Variants in SYNE1 observed in about 807,000 individuals in gnomAD.
The protein encoded by SYNE1 is spectrin repeat containing nuclear envelope protein 1, also known as nesprin-1.
Under a neutral mutation model 1,111.0 loss-of-function variants are expected in SYNE1, and 616 were observed. The ratio of observed to expected loss-of-function variants is 0.55; its 90% CI spans 0.52 to 0.59. The LOEUF is 0.59. Among genes scored for constraint, SYNE1 ranks in the 20% least tolerant of loss-of-function variants. The pLI is 0.00. For synonymous variants in SYNE1, 3,855 were observed against 3,825.8 expected (o/e 1.01, Z -0.28); for missense variants, 10,006 against 10,417.0 (o/e 0.96, Z 1.72).
chr6:152,181,450 T>C (rs1276971911), intron 128 of SYNE1, among the ~76,000 whole-genome samples: 6 of 152,106 alleles, frequency 3.9e-5, no homozygotes, highest in Admixed American at 1.3e-4. Context: ...GAAAACCTTG[T>C]AGCCATCAGC....
chr6:152,505,321 T>G lies in SYNE1; in HGVS notation c.658A>C (p.Ile220Leu), dbSNP rs146053885. ...GVAFHSVIHA[I>L]RPELVDLETV... ...TCCAAGTCCACCAATTCCGGTCGAA[T>G]GGCATGAATAACTGAATGAAAGGCA... The change falls in exon 9 of 146, where the codon ATT becomes CTT. Residue 220 changes from isoleucine (I) to leucine (L), a missense_variant. This residue lies in a region of SYNE1 where 1,971 missense variants were observed against 2,084.1 expected (regional missense o/e 0.95). Coordinates refer to ENST00000367255, the MANE Select transcript of SYNE1 (RefSeq NM_182961.4). 5.6e-6 allele frequency: 9 copies of G among 1,614,158 alleles called. No homozygotes were observed. In the South Asian group the frequency reaches 8.8e-5, roughly 16 times the overall value.
chr6:152,498,473 A>C (rs1053324920), intron 11 of SYNE1, among the ~76,000 whole-genome samples: 2 of 152,226 alleles, frequency 1.3e-5, no homozygotes, highest in African/African-American at 4.8e-5. Context: ...AGTGTTATTA[A>C]GTATTATAAA....
rs753185089 is a variant in SYNE1, at chr6:152,409,627, C to T, written c.6313G>A (p.Ala2105Thr). The T allele has an allele frequency of 6.2e-7, 1 of 1,613,912 alleles. No homozygotes were observed. Among genetic ancestry groups the T allele is most frequent in the Non-Finnish European group, 8.5e-7 (1 of 1,179,970 alleles). Residue 2105 changes from alanine (A) to threonine (T), a missense_variant, in exon 43 of 146, where the codon GCC becomes ACC. This residue lies in a region of SYNE1 where 4,955 missense variants were observed against 5,017.2 expected (regional missense o/e 0.99). Transcript: ENST00000367255. Reference sequence around the variant, plus strand: ...GTTCTGGTTACAATCACACTGCTGGCATTTTCTAAGACTTTAGATACAGCT... The same window carrying T: ...GTTCTGGTTACAATCACACTGCTGGTATTTTCTAAGACTTTAGATACAGCT... ...KSAVSKVLENASSVIVTRTTI... is the reference protein window; with the variant it reads ...KSAVSKVLENTSSVIVTRTTI...
At chr6:152,601,905 C>T (rs1184284412) in intron 3 of SYNE1, among the ~76,000 whole-genome samples, 1 of 152,060 alleles carries the variant, frequency 6.6e-6, no homozygotes, top group African/African-American at 2.4e-5. Context: ...AATTCATCCC[C>T]GGGGTTCACC....
chr6:152,456,505 T>G (rs952606024), intron 22 of SYNE1, among the ~76,000 whole-genome samples: 2 of 151,710 alleles, frequency 1.3e-5, no homozygotes, highest in African/African-American at 4.8e-5. Context: ...TATATATATA[T>G]AGTATATCCT....
In SYNE1 at chr6:152,233,946, C is replaced by T. The variant is rs1340181746; in HGVS notation, c.20547G>A (p.Val6849=). 1.2e-6 allele frequency: 2 copies of T among 1,614,110 alleles called. No individual in the cohort carries two copies. The highest frequency in any genetic ancestry group is 1.7e-6 in the Non-Finnish European group (2 of 1,180,032). The change falls in exon 112 of 146, where the codon GTG becomes GTA. Residue 6849 remains valine, a synonymous_variant. Coordinates refer to ENST00000367255, the MANE Select transcript of SYNE1 (RefSeq NM_182961.4). Reference sequence around the variant, plus strand: ...ATGATTTCAGGGAAGATTGGGCATCCACTTCTTTAGAAAACTCCTGAAACA... The same window carrying T: ...ATGATTTCAGGGAAGATTGGGCATCTACTTCTTTAGAAAACTCCTGAAACA... ...LNAFLEFSKE[V]DAQSSLKSSV...
chr6:152,336,952 C>T lies in SYNE1; in HGVS notation c.12417G>A (p.Lys4139=). 1.2e-6 allele frequency: 2 copies of T among 1,614,162 alleles called. No homozygotes were observed. The highest frequency in any genetic ancestry group is 1.7e-6 in the Non-Finnish European group (2 of 1,180,038). Reference sequence around the variant, plus strand: ...CTTGCAGGTAAATCCAGAGCTCAGACTTCAGGTGCTTGATCTCTTCCCAGC... The same window carrying T: ...CTTGCAGGTAAATCCAGAGCTCAGATTTCAGGTGCTTGATCTCTTCCCAGC... ...TQGWEEIKHL[K]SELWIYLQDA... is the part of the protein sequence containing the mutation. The change falls in exon 76 of 146, where the codon AAG becomes AAA. Residue 4139 remains lysine (K), a synonymous_variant. Coordinates refer to ENST00000367255, the MANE Select transcript of SYNE1 (RefSeq NM_182961.4).
intron 74 of SYNE1, among the ~76,000 whole-genome samples, chr6:152,342,811 G>C (rs2096558481): frequency 6.6e-6 from 1 of 152,144 alleles, no homozygotes; most frequent in Non-Finnish European, 1.5e-5. Flanking sequence ...TCAGCATGTG[G>C]ATGTCAAATT....
At chr6:152,569,328 T>A (rs1393313208) in intron 3 of SYNE1, among the ~76,000 whole-genome samples, 1 of 152,220 alleles carries the variant, frequency 6.6e-6, no homozygotes, top group Admixed American at 6.5e-5. Context: ...CATCACCTTA[T>A]GGGCAAGTTA....
At position 152,326,304 on chromosome 6, in the gene SYNE1, G is replaced by A; in HGVS notation, c.15285C>T (p.Leu5095=). Residue 5095 remains leucine (L), a synonymous_variant, in exon 79 of 146, where the codon CTC becomes CTT. Coordinates refer to ENST00000367255, the MANE Select transcript of SYNE1 (RefSeq NM_182961.4). ...MSRDSGAQVD[L]LQRCTAQWHD... ...AAAACATCCTGAAATACCTCTGCAA[G>A]AGATCCACTTGGGCACCAGAGTCCC... 1.2e-6 allele frequency: 2 copies of A among 1,614,126 alleles called. No homozygotes were observed. The highest frequency in any genetic ancestry group is 8.5e-7 in the Non-Finnish European group (1 of 1,180,018).
At position 152,140,587 on chromosome 6, in the gene SYNE1, A is replaced by G. The variant is rs577751889; in HGVS notation, c.25247-426T>C. On this transcript the variant is annotated intron_variant, in intron 139 of 145. Transcript: ENST00000367255. Reference sequence around the variant, plus strand: ...GTAGTGCGCGCCTGTAATCCCAGCTACTCGAGGGGAGGCGGGAGGATTACT... The same window carrying G: ...GTAGTGCGCGCCTGTAATCCCAGCTGCTCGAGGGGAGGCGGGAGGATTACT... Among the ~76,000 whole-genome samples, 3 of 152,198 alleles carry G rather than the reference A, an allele frequency of 2.0e-5. No individual in the cohort carries two copies. The South Asian group carries it at 6.2e-4, about 32-fold the overall frequency.
rs1563120490 is a variant in SYNE1 at position 152,330,622 on chromosome 6, C to T, written c.14063G>A (p.Ser4688Asn). The change falls in exon 78 of 146, where the codon AGT (serine) becomes AAT (asparagine). Residue 4688 changes from serine to asparagine, a missense_variant. Coordinates refer to ENST00000367255, the MANE Select transcript of SYNE1 (RefSeq NM_182961.4). ...SLIELTTQSL[S>N]ELEAQFLRMS... ...CCTCAAGAATTGGGCTTCAAGTTCA[C>T]TCAGAGACTGGGTTGTCAACTCAAT... 1 of 1,613,416 alleles carries T rather than the reference C, an allele frequency of 6.2e-7. No individual in the cohort carries two copies. Among genetic ancestry groups the T allele is most frequent in the Non-Finnish European group, 8.5e-7 (1 of 1,180,018 alleles).
chr6:152,152,291 T>C (rs930788429), intron 133 of SYNE1, 150 bp from the exon 134 acceptor site: 4 of 741,038 alleles, frequency 5.4e-6, no homozygotes, highest in African/African-American at 1.7e-5. Context: ...ACACTTCCCC[T>C]TGTTAATGCA....
chr6:152,198,466 T>A (rs894939420), intron 127 of SYNE1, among the ~76,000 whole-genome samples: 9 of 152,224 alleles, frequency 5.9e-5, no homozygotes, highest in Non-Finnish European at 1.2e-4. Context: ...TAATTTCCTT[T>A]CAGAACTTTT....
chr6:152,132,217 A>G lies in SYNE1; in HGVS notation c.26002-3T>C. The G allele has an allele frequency of 6.2e-7, 1 of 1,613,930 alleles. No individual in the cohort carries two copies. The highest frequency in any genetic ancestry group is 8.5e-7 in the Non-Finnish European group (1 of 1,179,828). The stretch of plus-strand genomic sequence containing the variant: ...GCAGAAGACCAGGAAGACAAATCCT[A>G]TGTGGGAGAAAGATTCTTTTAACAA... On this transcript the variant is annotated splice_region_variant and splice_polypyrimidine_tract_variant and intron_variant, in intron 143 of 145. Transcript: ENST00000367255.
chr6:152,218,969 A>G, intron 120 of SYNE1, 34 bp downstream of exon 120: 1 of 1,603,880 alleles, frequency 6.2e-7, no homozygotes, highest in Non-Finnish European at 8.5e-7. Flanking sequence ...GAGAACAGCC[A>G]ATATACAGAA....
intron 135 of SYNE1, among the ~76,000 whole-genome samples, chr6:152,150,805 G>A (rs552720191): frequency 7.2e-5 from 11 of 152,324 alleles, no homozygotes; most frequent in African/African-American, 2.6e-4. Flanking sequence ...ATCTAAGAAT[G>A]CAGACTATGA....
At chr6:152,553,775 G>A (rs1424344172) in intron 3 of SYNE1, among the ~76,000 whole-genome samples, 4 of 152,148 alleles carry the variant, frequency 2.6e-5, no homozygotes, top group Non-Finnish European at 4.4e-5. Context: ...CAGGATAACA[G>A]GGAAACAAAT....
At chr6:152,155,766 T>G in intron 132 of SYNE1, 144 bp downstream of exon 132, 1 of 949,998 alleles carries the variant, frequency 1.1e-6, no homozygotes, top group East Asian at 2.6e-5. Flanking sequence ...CCCAACTAAA[T>G]GTAGACAATA....
Sources: gnomAD v4.1 joint callset for allele counts (sites outside exome capture counted in the v4.1 genomes callset) on GRCh38, gnomAD v4.1.1 for gene constraint, gnomAD v4.1.1 regional missense constraint, MANE v1.5 for transcripts, NCBI Gene and HGNC (gene_info 2026-07-23, HGNC 2026-07-21) for gene names.